JAKMIP2: variants seen among roughly 807,000 people sequenced by gnomAD.
JAKMIP2 encodes janus kinase and microtubule-interacting protein 2.
JAKMIP2 carries 25 observed loss-of-function variants against 115.0 expected under a neutral mutation model. The observed-to-expected ratio is 0.22, with a 90% CI of 0.16 to 0.30. The LOEUF is 0.30. JAKMIP2 is among the 10% of genes least tolerant of loss of function. The pLI, the probability that JAKMIP2 is intolerant of heterozygous loss-of-function variation, is 1.00. For missense variants in JAKMIP2, 642 were observed against 957.6 expected, an observed-to-expected ratio of 0.67 and a Z score of 4.35; for synonymous variants, 334 against 343.6, an observed-to-expected ratio of 0.97 and a Z score of 0.31.
At chr5:147,623,753 C>G (rs1756962026) in intron 16 of JAKMIP2, 64 bp from the exon 17 acceptor site, 1 of 1,009,174 alleles carries the variant, frequency 9.9e-7, no homozygotes, top group African/African-American at 1.6e-5. Context: ...ATCTGTGTGC[C>G]CCCATGAGGT....
chr5:147,730,997 A>G (rs776105196), intron 1 of JAKMIP2, among the ~76,000 whole-genome samples: 2 of 152,004 alleles, frequency 1.3e-5, no homozygotes, highest in Non-Finnish European at 2.9e-5. Context: ...TTTTTTAACC[A>G]TGCTTTAACA....
chr5:147,742,155 A>ATATATATATATATATATTTTTTTTT lies in JAKMIP2; in HGVS notation c.-149+40300_-149+40301insAAAAAAAAATATATATATATATATA. On this transcript the variant is annotated intron_variant, in intron 1 of 21. Transcript: ENST00000616793. Reference sequence around the variant, plus strand: ...TGTGGATCATTATATATATATATATATTTTTTTTACTATTGTATTGTATCT... The same window carrying ATATATATATATATATATTTTTTTTT: ...TGTGGATCATTATATATATATATATATATATATATATATATATTTTTTTTTTTTTTTTTACTATTGTATTGTATCT... 1.4e-4 allele frequency among the ~76,000 whole-genome samples: 15 copies of ATATATATATATATATATTTTTTTTT among 108,888 alleles called. 1 individual carries two copies. The highest frequency in any genetic ancestry group is 1.3e-3 in the East Asian group (4 of 3,056). The allele number at this position is 108,888 out of a possible 152,430, so 71.4% of individuals were successfully genotyped here.
intron 9 of JAKMIP2, among the ~76,000 whole-genome samples, chr5:147,640,356 C>T (rs906102665): frequency 6.6e-6 from 1 of 152,078 alleles, no homozygotes; most frequent in East Asian, 1.9e-4. Flanking sequence ...GAGGATGGTC[C>T]ACAGAACACA....
intron 1 of JAKMIP2, among the ~76,000 whole-genome samples, chr5:147,683,907 G>T (rs1760440430): frequency 1.3e-5 from 2 of 152,100 alleles, no homozygotes; most frequent in Admixed American, 1.3e-4. Flanking sequence ...ATAAAGAATT[G>T]CATTTAATTT....
chr5:147,612,628 C>G (rs1756390236), intron 19 of JAKMIP2, among the ~76,000 whole-genome samples: 1 of 152,192 alleles, frequency 6.6e-6, no homozygotes, highest in African/African-American at 2.4e-5. Context: ...GAGCCTATCC[C>G]TGTAGACCCC....
At chr5:147,609,635 AATCTG>A (rs1756209394) in intron 20 of JAKMIP2, among the ~76,000 whole-genome samples, 1 of 152,084 alleles carries the variant, frequency 6.6e-6, no homozygotes, top group Non-Finnish European at 1.5e-5. Context: ...AACCTTGCTT[AATCTG>A]ATGATTATGT....
intron 1 of JAKMIP2, among the ~76,000 whole-genome samples, chr5:147,764,603 C>T (rs914932858): frequency 7.2e-5 from 11 of 151,830 alleles, no homozygotes; most frequent in South Asian, 2.1e-4. Context: ...AAGAGCAATT[C>T]GGCTAGGGGC....
chr5:147,642,273 G>A (rs1040115858), intron 7 of JAKMIP2, among the ~76,000 whole-genome samples: 9 of 152,134 alleles, frequency 5.9e-5, no homozygotes, highest in African/African-American at 2.2e-4. Context: ...TAGCTAGCGG[G>A]TTGGAGCCAT....
At chr5:147,759,748 A>G (rs1580888088) in intron 1 of JAKMIP2, among the ~76,000 whole-genome samples, 1 of 152,260 alleles carries the variant, frequency 6.6e-6, no homozygotes, top group Non-Finnish European at 1.5e-5. Context: ...GAAGAGGAAG[A>G]CATGAGGAAG....
chr5:147,653,832 G>A (rs1291840374), intron 3 of JAKMIP2, among the ~76,000 whole-genome samples: 1 of 151,998 alleles, frequency 6.6e-6, no homozygotes, highest in South Asian at 2.1e-4. Context: ...TTTAAGGTTT[G>A]TATGGTTTTG....
intron 15 of JAKMIP2, among the ~76,000 whole-genome samples, chr5:147,629,260 C>A (rs114834506): frequency 0.019 from 2,917 of 152,266 alleles, 99 homozygotes; most frequent in African/African-American, 0.063. Context: ...ATTAATGTGC[C>A]TTGACCCTGT....
At position 147,648,420 on chromosome 5, in the gene JAKMIP2, A is replaced by G; in HGVS notation, c.892T>C (p.Leu298=). The G allele has an allele frequency of 6.2e-7, 1 of 1,610,966 alleles. No individual in the cohort carries two copies. Among genetic ancestry groups the G allele is most frequent in the Non-Finnish European group, 8.5e-7 (1 of 1,177,646 alleles). The part of the protein sequence containing the change: ...IAELNATIRK[L]EDRNTLLGDE... ...CCAAGCAAGGTATTCCTGTCTTCTA[A>G]TTTTCTTATAGTGGCATTCAATTCA... The change falls in exon 5 of 22, where the codon TTA becomes CTA. Residue 298 remains leucine, a synonymous_variant. Coordinates refer to ENST00000616793, the MANE Select transcript of JAKMIP2 (RefSeq NM_001270941.2).
rs1755092568 is a variant in JAKMIP2, at chr5:147,591,500, A to G, written c.*207T>C. ...ATGCAGCATATATTGTAGATTTTCA[A>G]CAGGGTTGTGTAGGAACTGTCAAGT... On this transcript the variant is annotated 3_prime_UTR_variant, in exon 22 of 22. Coordinates refer to ENST00000616793, the MANE Select transcript of JAKMIP2 (RefSeq NM_001270941.2). 1.5e-6 allele frequency: 1 copy of G among 660,338 alleles called. No individual in the cohort carries two copies. The allele number at this position is 660,338 out of a possible 1,614,324, so 40.9% of individuals were successfully genotyped here. A position where few individuals can be genotyped will look rare whatever the true frequency, so the allele number is the denominator to read the frequency against.
At chr5:147,617,826 G>A (rs940969533) in intron 19 of JAKMIP2, 85 bp downstream of exon 19, 22 of 1,051,262 alleles carry the variant, frequency 2.1e-5, no homozygotes, top group Admixed American at 1.5e-4. Flanking sequence ...GGGCTTCTCC[G>A]TACCCATACT....
chr5:147,662,161 TACACAC>T (rs61492351), intron 2 of JAKMIP2, among the ~76,000 whole-genome samples: 1 of 147,046 alleles, frequency 6.8e-6, no homozygotes, highest in Non-Finnish European at 1.5e-5. Context: ...CCCCAAGTTT[TACACAC>T]ACACACACAC....
chr5:147,662,668 C>G (rs946309222), intron 2 of JAKMIP2, among the ~76,000 whole-genome samples: 4 of 151,994 alleles, frequency 2.6e-5, no homozygotes, highest in South Asian at 4.1e-4. Context: ...CCCGCATGCA[C>G]ACACACACAT....
At chr5:147,770,346 T>C (rs1223029883) in intron 1 of JAKMIP2, among the ~76,000 whole-genome samples, 1 of 152,062 alleles carries the variant, frequency 6.6e-6, no homozygotes. Flanking sequence ...AGGTTCTAAA[T>C]GGGTTTACAT....
intron 1 of JAKMIP2, among the ~76,000 whole-genome samples, chr5:147,739,058 G>C (rs572682213): frequency 6.6e-6 from 1 of 152,196 alleles, no homozygotes; most frequent in Non-Finnish European, 1.5e-5. Flanking sequence ...AAGGACGGTA[G>C]GTCACACCTG....
intron 13 of JAKMIP2, among the ~76,000 whole-genome samples, chr5:147,632,309 A>G (rs1430697233): frequency 1.3e-5 from 2 of 152,192 alleles, no homozygotes; most frequent in Non-Finnish European, 2.9e-5. Flanking sequence ...ACATGTTTTA[A>G]TGAGTCAAAA....
Sources: allele counts gnomAD v4.1 joint callset (sites outside exome capture counted in the v4.1 genomes callset), GRCh38; gene constraint gnomAD v4.1.1; transcripts MANE v1.5; gene names NCBI Gene and HGNC (gene_info 2026-07-23, HGNC 2026-07-21).